Variants in SYT1 observed in about 807,000 individuals in gnomAD.
SYT1 encodes the protein synaptotagmin 1, also known as synaptotagmin-1.
Under a neutral mutation model 44.8 loss-of-function variants are expected in SYT1, and 8 were observed. The observed-to-expected ratio is 0.18, with a 90% CI of 0.10 to 0.32. The LOEUF (loss-of-function observed/expected upper bound fraction) is 0.32. Among genes scored for constraint, SYT1 ranks in the 10% least tolerant of loss-of-function variants. The pLI is 1.00. For synonymous variants in SYT1, 154 were observed against 188.8 expected (o/e 0.82, Z 1.51); for missense variants, 286 against 509.3 (o/e 0.56, Z 4.22).
intron 4 of SYT1, among the ~76,000 whole-genome samples, chr12:79,240,739 C>T (rs1338532659): frequency 1.3e-5 from 2 of 152,060 alleles, no homozygotes; most frequent in African/African-American, 4.8e-5. Flanking sequence ...AAATTATGAG[C>T]TAGTATACAT....
chr12:78,964,913 A>AAATGTG (rs1270088414), intron 1 of SYT1, among the ~76,000 whole-genome samples: 3 of 152,122 alleles, frequency 2.0e-5, no homozygotes, highest in Admixed American at 6.5e-5. Context: ...GTGGTCAAAT[A>AAATGTG]AATGTGAACA....
At chr12:79,437,165 G>A (rs144867137) in intron 9 of SYT1, among the ~76,000 whole-genome samples, 541 of 152,292 alleles carry the variant, frequency 3.6e-3, no homozygotes, top group African/African-American at 0.012. Context: ...AAGTTAGGAC[G>A]GGGCTGTGAA....
intron 9 of SYT1, among the ~76,000 whole-genome samples, chr12:79,361,799 A>T (rs1470466573): frequency 6.6e-6 from 1 of 152,236 alleles, no homozygotes. Context: ...GTTGCCGAAC[A>T]TGGTAGAAGA....
chr12:79,249,121 G>A (rs1005671200), intron 4 of SYT1, among the ~76,000 whole-genome samples: 3 of 18,240 alleles, frequency 1.6e-4, no homozygotes, highest in Admixed American at 7.9e-4. Flanking sequence ...TTTTTGAGAC[G>A]GAGTCTCGCT....
chr12:79,298,743 T>A (rs536609273), intron 7 of SYT1, among the ~76,000 whole-genome samples: 23 of 152,276 alleles, frequency 1.5e-4, no homozygotes, highest in African/African-American at 5.5e-4. Context: ...AGGCATGTCA[T>A]ACCCAAGAAT....
chr12:78,889,718 T>C (rs1050580905), intron 1 of SYT1, among the ~76,000 whole-genome samples: 12 of 151,998 alleles, frequency 7.9e-5, no homozygotes, highest in Non-Finnish European at 1.8e-4. Flanking sequence ...TCTCATGGTT[T>C]AAAATGTTGA....
chr12:79,301,790 A>G (rs781402251), intron 8 of SYT1, among the ~76,000 whole-genome samples: 14 of 152,158 alleles, frequency 9.2e-5, no homozygotes, highest in Non-Finnish European at 1.9e-4. Flanking sequence ...TTTTATCATT[A>G]CACTCGTAAA....
chr12:79,345,939 A>G (rs1266592456), intron 8 of SYT1, among the ~76,000 whole-genome samples: 1 of 152,190 alleles, frequency 6.6e-6, no homozygotes, highest in Non-Finnish European at 1.5e-5. Flanking sequence ...GAGAAAAACC[A>G]TCTACTCATC....
intron 3 of SYT1, among the ~76,000 whole-genome samples, chr12:79,152,223 T>TGGG (rs1870315378): frequency 1.3e-5 from 2 of 152,210 alleles, no homozygotes; most frequent in Admixed American, 6.5e-5. Flanking sequence ...GAAACCAGAC[T>TGGG]TCAATGGGTC....
At chr12:79,223,195 T>G (rs185682271) in intron 4 of SYT1, among the ~76,000 whole-genome samples, 1 of 152,364 alleles carries the variant, frequency 6.6e-6, no homozygotes, top group African/African-American at 2.4e-5. Context: ...CATGTATCAA[T>G]GTCTGTGCAT....
chr12:78,936,667 G>A (rs1447374842), intron 1 of SYT1, among the ~76,000 whole-genome samples: 1 of 151,964 alleles, frequency 6.6e-6, no homozygotes, highest in Admixed American at 6.6e-5. Context: ...CTTTAACCGA[G>A]TTTGGCAATT....
intron 3 of SYT1, among the ~76,000 whole-genome samples, chr12:79,194,928 A>T (rs1032771377): frequency 2.6e-5 from 4 of 152,224 alleles, no homozygotes; most frequent in Non-Finnish European, 5.9e-5. Flanking sequence ...CGTAGACTTA[A>T]TACCAGTAAG....
At chr12:79,179,476 TAGAG>T (rs371819641) in intron 3 of SYT1, among the ~76,000 whole-genome samples, 2 of 56,400 alleles carry the variant, frequency 3.5e-5, no homozygotes, top group African/African-American at 6.3e-5. Flanking sequence ...GATATAGATA[TAGAG>T]ATATAGATAT....
intron 1 of SYT1, among the ~76,000 whole-genome samples, chr12:78,888,872 C>T (rs1359232271): frequency 1.3e-5 from 2 of 151,860 alleles, no homozygotes; most frequent in African/African-American, 4.8e-5. Context: ...TATTCTGAGG[C>T]TTCCTGCATT....
intron 2 of SYT1, among the ~76,000 whole-genome samples, chr12:79,011,091 G>A (rs1230190220): frequency 6.6e-6 from 1 of 152,086 alleles, no homozygotes; most frequent in African/African-American, 2.4e-5. Context: ...ATGGCTAAAA[G>A]GTTGCATTAG....
chr12:78,953,651 C>T (rs1265016152), intron 1 of SYT1, among the ~76,000 whole-genome samples: 1 of 151,896 alleles, frequency 6.6e-6, no homozygotes, highest in African/African-American at 2.4e-5. Flanking sequence ...ATTTGAAAAC[C>T]CAAACCACAG....
intron 1 of SYT1, among the ~76,000 whole-genome samples, chr12:78,965,888 C>G (rs542347478): frequency 1.4e-4 from 22 of 151,852 alleles, no homozygotes; most frequent in Non-Finnish European, 2.8e-4. Context: ...ACCAGCCTGA[C>G]CAAGATGTTG....
At chr12:79,097,763 T>C (rs1878221871) in intron 3 of SYT1, among the ~76,000 whole-genome samples, 1 of 152,054 alleles carries the variant, frequency 6.6e-6, no homozygotes, top group Admixed American at 6.6e-5. Flanking sequence ...TGTACATTTA[T>C]ATTTAATAAT....
chr12:79,042,797 A>G lies in SYT1; in HGVS notation c.-83-4500A>G, dbSNP rs1361446094. 1.1e-3 allele frequency among the ~76,000 whole-genome samples: 158 copies of G among 150,242 alleles called. 1 individual carries two copies. Among genetic ancestry groups the G allele is most frequent in the African/African-American group, 3.6e-3 (147 of 41,228 alleles). On this transcript the variant is annotated intron_variant, in intron 2 of 10. Coordinates refer to ENST00000261205, the MANE Select transcript of SYT1 (RefSeq NM_005639.3). ...AATTTCCCTCTACACACTGCTTTGA[A>G]TGTGTCCCAGAGATTCTGGTATGTT...
Sources: gnomAD v4.1 joint callset for allele counts (sites outside exome capture counted in the v4.1 genomes callset) on GRCh38, gnomAD v4.1.1 for gene constraint, MANE v1.5 for transcripts, NCBI Gene and HGNC (gene_info 2026-07-23, HGNC 2026-07-21) for gene names.